The following MLXIP variants were observed in gnomAD, a reference collection of about 807,000 sequenced individuals.
The protein encoded by MLXIP is MLX interacting protein.
Under a neutral mutation model 87.2 loss-of-function variants are expected in MLXIP, and 30 were observed. The observed-to-expected ratio is 0.34, with a 90% CI of 0.26 to 0.47. MLXIP has a LOEUF of 0.47. Ranked by LOEUF, MLXIP falls within the 20% of genes least tolerant of loss-of-function variation. The probability of loss-of-function intolerance (pLI) is 1.00; values close to 1 mark genes in which losing one functional copy is unlikely to be tolerated. For missense variants in MLXIP, 1,002 were observed against 1,240.1 expected (o/e 0.81, Z 2.88); for synonymous variants, 530 against 514.0 (o/e 1.03, Z -0.42).
intron 9 of MLXIP, 139 bp downstream of exon 9, chr12:122,134,126 A>T: frequency 9.9e-7 from 1 of 1,008,236 alleles, no homozygotes. Flanking sequence ...CACTTAAATG[A>T]AACAAAAGTG....
At chr12:122,130,345 C>T (rs1372640170) in intron 6 of MLXIP, among the ~76,000 whole-genome samples, 1 of 151,972 alleles carries the variant, frequency 6.6e-6, no homozygotes, top group African/African-American at 2.4e-5. Flanking sequence ...CCCGTAGTGC[C>T]ATGGTGGGAG....
chr12:122,129,440 G>T, intron 4 of MLXIP, 148 bp from the exon 5 acceptor site: 1 of 998,252 alleles, frequency 1.0e-6, no homozygotes, highest in South Asian at 1.5e-5. Flanking sequence ...TCTGTGCACT[G>T]GGTGGAAGTC....
rs1786593189 is a variant in MLXIP at position 122,135,299 on chromosome 12, C to T, written c.1808C>T (p.Thr603Ile). ...PLKREGMLAS[T>I]VSQSNVVIAP... ...AAGAGAGAAGGGATGTTGGCCTCCA[C>T]CGTGTCCCAGTCCAACGTGGTCATT... The change falls in exon 10 of 17, where the codon ACC (threonine) becomes ATC (isoleucine). Residue 603 changes from threonine (T) to isoleucine (I), a missense_variant. By Grantham distance (89) the Thr-to-Ile change is moderately conservative. This residue lies in a region of MLXIP where 746 missense variants were observed against 897.0 expected (regional missense o/e 0.83). Transcript: ENST00000319080. This position sits in a 1 kb window ranked among gnomAD's most constrained non-coding sequence, Gnocchi z 5.3. 6.2e-7 allele frequency: 1 copy of T among 1,613,744 alleles called. No individual in the cohort carries two copies. The highest frequency in any genetic ancestry group is 8.5e-7 in the Non-Finnish European group (1 of 1,179,890).
intron 1 of MLXIP, among the ~76,000 whole-genome samples, chr12:122,099,022 G>C (rs1352241319): frequency 1.3e-5 from 2 of 152,244 alleles, no homozygotes; most frequent in Non-Finnish European, 2.9e-5. Context: ...AGGATCACTT[G>C]AGCCCAGGAG....
chr12:122,103,210 T>C (rs1440951413), intron 1 of MLXIP, among the ~76,000 whole-genome samples: 2 of 46,592 alleles, frequency 4.3e-5, no homozygotes, highest in Non-Finnish European at 9.1e-5. Flanking sequence ...TATTTATTTA[T>C]TTATTTATTT....
Position 122,096,271 on chromosome 12 carries a change from T to G in MLXIP, c.413+17005T>G, listed in dbSNP as rs1186673367. Among the ~76,000 whole-genome samples the G allele has an allele frequency of 5.3e-5, 8 of 152,268 alleles. No individual in the cohort carries two copies. In the East Asian group the frequency reaches 1.4e-3, roughly 26 times the overall value. On this transcript the variant is annotated intron_variant, in intron 1 of 16. Transcript: ENST00000319080. ...GCAGTGTTTCTTAGTGGCTGGATAG[T>G]ATTTCATTGTATGGATGTACTACTA...
chr12:122,117,485 G>A (rs759567334), intron 1 of MLXIP, among the ~76,000 whole-genome samples: 3 of 152,240 alleles, frequency 2.0e-5, no homozygotes, highest in Non-Finnish European at 2.9e-5. Flanking sequence ...TTTGAAGCAA[G>A]TGAATTGGAC....
At chr12:122,083,776 G>A (rs968496107) in intron 1 of MLXIP, among the ~76,000 whole-genome samples, 5 of 152,218 alleles carry the variant, frequency 3.3e-5, no homozygotes, top group South Asian at 2.1e-4. Context: ...AAGGGCTAAA[G>A]GTTAGAGCAC....
chr12:122,122,883 A>T (rs1233019335), intron 1 of MLXIP, among the ~76,000 whole-genome samples: 33 of 144,340 alleles, frequency 2.3e-4, no homozygotes, highest in Non-Finnish European at 4.2e-4. Context: ...TAAAGAGACG[A>T]GGTCTTGTTA....
rs955279602 is a variant in MLXIP, at chr12:122,079,261, C to T, written c.408C>T (p.Ala136=). 1 of 1,550,012 alleles carries T rather than the reference C, an allele frequency of 6.5e-7. No homozygotes were observed. Residue 136 remains alanine (A), a synonymous_variant, in exon 1 of 17, where the codon GCC becomes GCT. Transcript: ENST00000319080. Reference sequence around the variant, plus strand: ...AGCTCTTCGAGTGCATGACTTTGGCCTACAGGTAGGGACCCCCGCGACCCC... The same window carrying T: ...AGCTCTTCGAGTGCATGACTTTGGCTTACAGGTAGGGACCCCCGCGACCCC... ...LTKLFECMTL[A]YSGKLVSPKW...
chr12:122,083,803 T>C (rs1314194970), intron 1 of MLXIP, among the ~76,000 whole-genome samples: 3 of 152,244 alleles, frequency 2.0e-5, no homozygotes, highest in African/African-American at 7.2e-5. Flanking sequence ...CTCCAAACTT[T>C]GAATTTTCAG....
chr12:122,134,039 G>T, intron 9 of MLXIP, 52 bp downstream of exon 9: 2 of 1,520,524 alleles, frequency 1.3e-6, no homozygotes, highest in South Asian at 2.5e-5. Context: ...CCAGAGGGAT[G>T]TTTTCCCATC....
rs1565993157 is a variant in MLXIP at position 122,142,317 on chromosome 12, C to CT, written c.*506dup. On this transcript the variant is annotated 3_prime_UTR_variant, in exon 17 of 17. Coordinates refer to ENST00000319080, the MANE Select transcript of MLXIP (RefSeq NM_014938.6). ...GGCGTCTTTCTTTCTCCCCTCAACT[C>CT]TGACAGCACCCAGCCCTTGTGGATG... is the stretch of plus-strand genomic sequence containing the variant. 3.1e-6 allele frequency: 2 copies of CT among 646,904 alleles called. No individual in the cohort carries two copies. The highest frequency in any genetic ancestry group is 1.5e-5 in the South Asian group (1 of 66,288). 40.1% of individuals were successfully genotyped at this position (646,904 alleles called of 1,614,324 possible). A position where few individuals can be genotyped will look rare whatever the true frequency, so the allele number is the denominator to read the frequency against.
rs556445763 is a variant in MLXIP, at chr12:122,142,810, C to T, written c.*998C>T. ...CTCGGACCAAAGATGCCCCCACACT[C>T]AAAAGTCTGTCCCGTCTTGTGTTTG... On this transcript the variant is annotated 3_prime_UTR_variant, in exon 17 of 17. Transcript: ENST00000319080. 4 of 161,706 alleles carry T rather than the reference C, an allele frequency of 2.5e-5. No homozygotes were observed. Among genetic ancestry groups the T allele is most frequent in the African/African-American group, 9.6e-5 (4 of 41,662 alleles). The allele number at this position is 161,706 out of a possible 1,614,324, so 10.0% of individuals were successfully genotyped here. A position where few individuals can be genotyped will look rare whatever the true frequency, so the allele number is the denominator to read the frequency against.
rs1953195710 is a variant in MLXIP, at chr12:122,141,188, TG to T, written c.2638+109del. Reference sequence around the variant, plus strand: ...CCAGACTCCACTGCAGGCAGCCAGGTGGGGCCGGGGCAGGGGCACAGTGCTG... The same window carrying T: ...CCAGACTCCACTGCAGGCAGCCAGGTGGGCCGGGGCAGGGGCACAGTGCTG... On this transcript the variant is annotated intron_variant, in intron 16 of 16. Coordinates refer to ENST00000319080, the MANE Select transcript of MLXIP (RefSeq NM_014938.6). The T allele has an allele frequency of 2.8e-6, 4 of 1,450,964 alleles. 1 individual carries two copies. The South Asian group carries it at 4.1e-5, about 15-fold the overall frequency. 89.9% of individuals were successfully genotyped at this position (1,450,964 alleles called of 1,614,324 possible).
In MLXIP at chr12:122,113,032, G is replaced by A. The variant is rs186496582; in HGVS notation, c.414-14224G>A. 4.5e-4 allele frequency among the ~76,000 whole-genome samples: 68 copies of A among 152,298 alleles called. No homozygotes were observed. The East Asian group carries it at 0.011, about 25-fold the overall frequency. On this transcript the variant is annotated intron_variant, in intron 1 of 16. Coordinates refer to ENST00000319080, the MANE Select transcript of MLXIP (RefSeq NM_014938.6). ...GAAAATTAGTGTTTATCACAGCATTGTTTATTTGAAACAGCACGTCTGTTA... is the reference window on the plus strand; with the variant it reads ...GAAAATTAGTGTTTATCACAGCATTATTTATTTGAAACAGCACGTCTGTTA...
At chr12:122,106,386 C>T (rs982689615) in intron 1 of MLXIP, among the ~76,000 whole-genome samples, 10 of 152,136 alleles carry the variant, frequency 6.6e-5, no homozygotes, top group African/African-American at 2.4e-4. Flanking sequence ...AAAGGAAGAC[C>T]TTTCTGTCTT....
Position 122,094,065 on chromosome 12 carries a change from G to A in MLXIP, c.413+14799G>A, listed in dbSNP as rs1402201238. Among the ~76,000 whole-genome samples, 6 of 142,998 alleles carry A rather than the reference G, an allele frequency of 4.2e-5. No individual in the cohort carries two copies. In the South Asian group the frequency reaches 1.2e-3, roughly 28 times the overall value. 93.8% of individuals were successfully genotyped at this position (142,998 alleles called of 152,430 possible). On this transcript the variant is annotated intron_variant, in intron 1 of 16. Transcript: ENST00000319080. Reference sequence around the variant, plus strand: ...TGTGTGGTGTGTGTGGTGGGTTTGCGGTGTCTGGTGTGGTGTGTTGGTGTG... The same window carrying A: ...TGTGTGGTGTGTGTGGTGGGTTTGCAGTGTCTGGTGTGGTGTGTTGGTGTG...
chr12:122,094,140 T>G (rs1296093932), intron 1 of MLXIP, among the ~76,000 whole-genome samples: 2 of 132,540 alleles, frequency 1.5e-5, no homozygotes, highest in Non-Finnish European at 3.1e-5. Context: ...GTGTGTGGGG[T>G]GTGTGGGATG....
Sources: gnomAD v4.1 joint callset for allele counts (sites outside exome capture counted in the v4.1 genomes callset) on GRCh38, gnomAD v4.1.1 for gene constraint, gnomAD v4.1.1 regional missense constraint, Gnocchi (gnomAD v3.1) non-coding constraint, MANE v1.5 for transcripts, NCBI Gene and HGNC (gene_info 2026-07-23, HGNC 2026-07-21) for gene names.